The following MACROD2 variants were observed in gnomAD, a reference collection of about 807,000 sequenced individuals.
MACROD2 encodes mono-ADP ribosylhydrolase 2.
Under a neutral mutation model 70.4 loss-of-function variants are expected in MACROD2, and 36 were observed. That is an observed-to-expected ratio of 0.51 (90% confidence interval 0.39 to 0.68). The LOEUF (loss-of-function observed/expected upper bound fraction) is 0.68, where lower values mean the gene tolerates loss of function less well. MACROD2 is among the 30% of genes least tolerant of loss of function. The pLI is 0.00. For missense variants in MACROD2, 496 were observed against 538.4 expected (o/e 0.92, Z 0.78); for synonymous variants, 172 against 178.8 (o/e 0.96, Z 0.30).
At chr20:15,476,737 TGTAAA>T (rs1456866926) in intron 7 of MACROD2, among the ~76,000 whole-genome samples, 1 of 152,210 alleles carries the variant, frequency 6.6e-6, no homozygotes, top group East Asian at 1.9e-4. Context: ...AAGATATCCC[TGTAAA>T]GCATTGCTAT....
intron 5 of MACROD2, among the ~76,000 whole-genome samples, chr20:14,746,034 T>C (rs2071795600): frequency 6.6e-6 from 1 of 152,094 alleles, no homozygotes; most frequent in Admixed American, 6.6e-5. Flanking sequence ...CCAATGCTGC[T>C]CTCAAATTAC....
chr20:13,999,257 G>A (rs1468352619), intron 1 of MACROD2, among the ~76,000 whole-genome samples: 1 of 152,106 alleles, frequency 6.6e-6, no homozygotes, highest in African/African-American at 2.4e-5. Flanking sequence ...CCACCTTAGA[G>A]TCACTTTTCT....
chr20:14,382,935 A>G (rs959325942), intron 3 of MACROD2, among the ~76,000 whole-genome samples: 1 of 152,194 alleles, frequency 6.6e-6, no homozygotes, highest in South Asian at 2.1e-4. Flanking sequence ...TATTTTCCAA[A>G]TAAATATGTA....
chr20:15,097,190 C>T (rs2075840274), intron 5 of MACROD2, among the ~76,000 whole-genome samples: 1 of 152,160 alleles, frequency 6.6e-6, no homozygotes, highest in Admixed American at 6.5e-5. Flanking sequence ...GACTTGGAGA[C>T]TGTAGACCAA....
rs932135126 is a variant in MACROD2, at chr20:15,362,115, G to A, written c.541-69290G>A. ...CAACCTCCGCCTCCCGGGTTCAAGC[G>A]ATTCTTATGCCTCAGCCTTCCGAGT... is the stretch of plus-strand genomic sequence containing the variant. On this transcript the variant is annotated intron_variant, in intron 6 of 17. Transcript: ENST00000684519. 3.3e-5 allele frequency among the ~76,000 whole-genome samples: 5 copies of A among 151,600 alleles called. No homozygotes were observed. The East Asian group carries it at 7.8e-4, about 24-fold the overall frequency.
At position 15,431,435 on chromosome 20, in the gene MACROD2, G is replaced by T; in HGVS notation, c.571G>T (p.Gly191Cys). 1 of 1,609,632 alleles carries T rather than the reference G, an allele frequency of 6.2e-7. No individual in the cohort carries two copies. Among genetic ancestry groups the T allele is most frequent in the Non-Finnish European group, 8.5e-7 (1 of 1,177,050 alleles). ...AFPCISTGIYGFPNEPAAVIA... is the reference protein window; with the variant it reads ...AFPCISTGIYCFPNEPAAVIA... ...TCCCTGCATCTCAACAGGCATTTAT[G>T]GTAAGTGATACAGCTTTTGATGATG... The change falls in exon 7 of 18, where the codon GGC becomes TGC. Residue 191 changes from glycine (G) to cysteine (C), a missense_variant and splice_region_variant. Transcript: ENST00000684519.
chr20:15,453,259 A>G (rs6079834), intron 7 of MACROD2, among the ~76,000 whole-genome samples: 117,092 of 152,000 alleles, frequency 0.77, 48,192 homozygotes, highest in Non-Finnish European at 0.91. Flanking sequence ...ATAACTTTCT[A>G]AACCTGCTCC....
intron 4 of MACROD2, among the ~76,000 whole-genome samples, chr20:14,569,025 C>A (rs1035852528): frequency 3.3e-5 from 5 of 151,900 alleles, no homozygotes; most frequent in African/African-American, 1.2e-4. Flanking sequence ...GATATTCTGG[C>A]AGTACGTAAA....
intron 6 of MACROD2, among the ~76,000 whole-genome samples, chr20:15,422,160 T>C (rs992217296): frequency 6.6e-6 from 1 of 152,162 alleles, no homozygotes; most frequent in African/African-American, 2.4e-5. Flanking sequence ...GTTGTGATTT[T>C]GAATTTTATT....
At chr20:15,252,889 C>G (rs554374002) in intron 6 of MACROD2, among the ~76,000 whole-genome samples, 1 of 152,334 alleles carries the variant, frequency 6.6e-6, no homozygotes, top group African/African-American at 2.4e-5. Context: ...CAGAGCCTGG[C>G]TTGCATCATG....
intron 16 of MACROD2, among the ~76,000 whole-genome samples, chr20:16,043,319 C>T (rs2067332924): frequency 6.6e-6 from 1 of 152,084 alleles, no homozygotes; most frequent in African/African-American, 2.4e-5. Context: ...CTGACAGTCA[C>T]TGACCAAGTC....
chr20:15,887,683 C>T (rs1601062093), intron 10 of MACROD2, among the ~76,000 whole-genome samples: 1 of 152,070 alleles, frequency 6.6e-6, no homozygotes, highest in Non-Finnish European at 1.5e-5. Flanking sequence ...ATAATGTGAG[C>T]CTCAAATGTG....
chr20:15,263,640 T>C (rs2077268330), intron 6 of MACROD2, among the ~76,000 whole-genome samples: 1 of 152,192 alleles, frequency 6.6e-6, no homozygotes, highest in Non-Finnish European at 1.5e-5. Context: ...ATTTTAACAA[T>C]ATTGATTCTT....
At chr20:15,308,333 C>T (rs759419522) in intron 6 of MACROD2, among the ~76,000 whole-genome samples, 47 of 152,058 alleles carry the variant, frequency 3.1e-4, no homozygotes, top group Middle Eastern at 6.8e-3. Flanking sequence ...ACTTACAAAG[C>T]GCTTACTGAA....
chr20:15,908,197 A>G (rs2065177983), intron 10 of MACROD2, among the ~76,000 whole-genome samples: 1 of 152,232 alleles, frequency 6.6e-6, no homozygotes, highest in African/African-American at 2.4e-5. Flanking sequence ...GCGCTAGACC[A>G]GTGGAAGTCA....
intron 5 of MACROD2, among the ~76,000 whole-genome samples, chr20:14,981,305 G>A (rs372148629): frequency 1.3e-5 from 2 of 151,830 alleles, no homozygotes; most frequent in East Asian, 3.9e-4. Flanking sequence ...CCACTGCCTG[G>A]AATGTTCTTC....
intron 3 of MACROD2, among the ~76,000 whole-genome samples, chr20:14,110,150 GA>G (rs1471438822): frequency 6.6e-6 from 1 of 151,896 alleles, no homozygotes; most frequent in Non-Finnish European, 1.5e-5. Flanking sequence ...AATTGATGCT[GA>G]AACAGCATTT....
rs559986514 is a variant in MACROD2, at chr20:14,026,424, T to C, written c.163+24020T>C. On this transcript the variant is annotated intron_variant, in intron 2 of 17. Coordinates refer to ENST00000684519, the MANE Select transcript of MACROD2 (RefSeq NM_001351661.2). ...TTATTTTGCCTGTTAATTGATGCAGTTGCTTCATAGTGTTGATGGTCTTTA... is the reference window on the plus strand; with the variant it reads ...TTATTTTGCCTGTTAATTGATGCAGCTGCTTCATAGTGTTGATGGTCTTTA... 2.0e-5 allele frequency among the ~76,000 whole-genome samples: 3 copies of C among 152,344 alleles called. No homozygotes were observed. In the South Asian group the frequency reaches 6.2e-4, roughly 32 times the overall value.
At chr20:15,076,853 C>A (rs530702536) in intron 5 of MACROD2, among the ~76,000 whole-genome samples, 1 of 152,038 alleles carries the variant, frequency 6.6e-6, no homozygotes, top group Non-Finnish European at 1.5e-5. Context: ...AGGAAGAAAT[C>A]AAAGAGTAAA....
Sources: gnomAD v4.1 joint callset for allele counts (sites outside exome capture counted in the v4.1 genomes callset) on GRCh38, gnomAD v4.1.1 for gene constraint, MANE v1.5 for transcripts, NCBI Gene and HGNC (gene_info 2026-07-23, HGNC 2026-07-21) for gene names.